Variants in CLSTN2 observed in about 807,000 individuals in gnomAD.
CLSTN2 encodes the protein calsyntenin 2.
CLSTN2 carries 48 observed loss-of-function variants against 101.2 expected under a neutral mutation model. The ratio of observed to expected loss-of-function variants is 0.47; its 90% CI spans 0.38 to 0.60. CLSTN2 has a LOEUF of 0.60. Ranked by LOEUF, CLSTN2 falls within the 20% of genes least tolerant of loss-of-function variation. The pLI, the probability that CLSTN2 is intolerant of heterozygous loss-of-function variation, is 0.00. For synonymous variants in CLSTN2, 481 were observed against 463.6 expected (o/e 1.04, Z -0.48); for missense variants, 1,160 against 1,238.2 (o/e 0.94, Z 0.95).
intron 2 of CLSTN2, among the ~76,000 whole-genome samples, chr3:140,283,770 CT>C (rs1283365381): frequency 6.6e-6 from 1 of 152,304 alleles, no homozygotes; most frequent in Non-Finnish European, 1.5e-5. Context: ...TTAATGCACT[CT>C]TTTTTCCCCT....
At chr3:140,340,519 T>C (rs1386306150) in intron 2 of CLSTN2, among the ~76,000 whole-genome samples, 1 of 152,232 alleles carries the variant, frequency 6.6e-6, no homozygotes, top group Non-Finnish European at 1.5e-5. Flanking sequence ...TTTCCTTTCC[T>C]TTTGTTGTTT....
intron 9 of CLSTN2, among the ~76,000 whole-genome samples, chr3:140,534,928 C>T (rs1935330606): frequency 6.6e-6 from 1 of 152,232 alleles, no homozygotes; most frequent in Non-Finnish European, 1.5e-5. Context: ...CCCACATTCT[C>T]ACTTCTTTGT....
intron 2 of CLSTN2, among the ~76,000 whole-genome samples, chr3:140,366,865 G>A (rs1465472320): frequency 6.6e-6 from 1 of 152,230 alleles, no homozygotes; most frequent in African/African-American, 2.4e-5. Context: ...AAGAGCCGAT[G>A]TCCTGGGCGT....
chr3:140,190,570 A>G lies in CLSTN2; in HGVS notation c.232+14497A>G, dbSNP rs2010545611. ...CAGTGCAGGGGCATGTTATATCTCT[A>G]CATGTGTTTACATTTCTTTTCTTTC... On this transcript the variant is annotated intron_variant, in intron 2 of 16. Transcript: ENST00000458420. 2.0e-5 allele frequency among the ~76,000 whole-genome samples: 3 copies of G among 151,790 alleles called. No individual in the cohort carries two copies. In the South Asian group the frequency reaches 6.2e-4, roughly 31 times the overall value.
At chr3:140,078,329 G>A (rs868722059) in intron 1 of CLSTN2, among the ~76,000 whole-genome samples, 1 of 152,216 alleles carries the variant, frequency 6.6e-6, no homozygotes, top group African/African-American at 2.4e-5. Flanking sequence ...ACATGGAGCT[G>A]GTCAATGCAC....
intron 2 of CLSTN2, among the ~76,000 whole-genome samples, chr3:140,308,045 C>T (rs1383585500): frequency 6.6e-6 from 1 of 152,132 alleles, no homozygotes; most frequent in Non-Finnish European, 1.5e-5. Flanking sequence ...CACAGCACCT[C>T]CTCCCCACCC....
intron 2 of CLSTN2, among the ~76,000 whole-genome samples, chr3:140,401,457 A>T (rs1000412020): frequency 2.6e-5 from 4 of 152,168 alleles, no homozygotes; most frequent in African/African-American, 9.7e-5. Flanking sequence ...CGTAGATGGA[A>T]ATATGTCACC....
intron 2 of CLSTN2, among the ~76,000 whole-genome samples, chr3:140,340,621 A>T (rs2087482907): frequency 6.6e-6 from 1 of 152,206 alleles, no homozygotes; most frequent in South Asian, 2.1e-4. Flanking sequence ...CTCCCAGTGT[A>T]CCCTATTATT....
At chr3:140,535,343 T>C (rs1935337114) in intron 9 of CLSTN2, among the ~76,000 whole-genome samples, 1 of 152,242 alleles carries the variant, frequency 6.6e-6, no homozygotes, top group African/African-American at 2.4e-5. Flanking sequence ...TTTCCTTCCT[T>C]AGTATCCTTC....
chr3:140,048,748 C>A (rs930161120), intron 1 of CLSTN2, among the ~76,000 whole-genome samples: 2 of 152,128 alleles, frequency 1.3e-5, no homozygotes, highest in African/African-American at 4.8e-5. Flanking sequence ...TCAGGGCAAG[C>A]TGGAGAACGA....
At chr3:140,386,075 C>A (rs1430414501) in intron 2 of CLSTN2, among the ~76,000 whole-genome samples, 1 of 152,188 alleles carries the variant, frequency 6.6e-6, no homozygotes, top group Non-Finnish European at 1.5e-5. Context: ...CAATCACCAA[C>A]CTTTACTATG....
intron 2 of CLSTN2, among the ~76,000 whole-genome samples, chr3:140,206,796 T>A (rs2107844354): frequency 6.6e-6 from 1 of 152,248 alleles, no homozygotes; most frequent in East Asian, 1.9e-4. Flanking sequence ...TGATGGGCCT[T>A]TTTCTCTTTT....
chr3:140,458,605 ATTC>A (rs1253046322), intron 6 of CLSTN2, among the ~76,000 whole-genome samples: 1 of 152,108 alleles, frequency 6.6e-6, no homozygotes, highest in East Asian at 1.9e-4. Flanking sequence ...AAAGTTGGTG[ATTC>A]TTCTAAAATA....
chr3:140,558,759 C>A lies in CLSTN2; in HGVS notation c.1943C>A (p.Ala648Asp). 2 of 1,614,072 alleles carry A rather than the reference C, an allele frequency of 1.2e-6. No homozygotes were observed. The highest frequency in any genetic ancestry group is 1.3e-5 in the African/African-American group (1 of 75,004). The change falls in exon 12 of 17, where the codon GCC (alanine) becomes GAC (aspartate). Residue 648 changes from alanine to aspartate, a missense_variant. By Grantham distance (126) the Ala-to-Asp change is moderately radical. Transcript: ENST00000458420. Reference protein sequence around the residue: ...RGTDHFWRPAAQFESARGVTL... With the variant: ...RGTDHFWRPADQFESARGVTL... Reference sequence around the variant, plus strand: ...ACAGACCACTTCTGGAGACCTGCTGCCCAGTTTGAAAGTGCCAGGGGAGTG... The same window carrying A: ...ACAGACCACTTCTGGAGACCTGCTGACCAGTTTGAAAGTGCCAGGGGAGTG...
chr3:140,282,598 TGTGA>T (rs1281452843), intron 2 of CLSTN2, among the ~76,000 whole-genome samples: 3 of 144,692 alleles, frequency 2.1e-5, no homozygotes, highest in Non-Finnish European at 4.5e-5. Flanking sequence ...GAAACTTGTC[TGTGA>T]CTTTCTTTTT....
At chr3:140,135,411 G>C (rs4596106) in intron 1 of CLSTN2, among the ~76,000 whole-genome samples, 125,326 of 151,770 alleles carry the variant, frequency 0.83, 51,853 homozygotes, top group East Asian at 0.92. Flanking sequence ...ATTATCTCCA[G>C]CAGTAGAATC....
intron 2 of CLSTN2, among the ~76,000 whole-genome samples, chr3:140,266,180 T>C (rs535043486): frequency 3.3e-5 from 5 of 152,302 alleles, no homozygotes; most frequent in Admixed American, 1.3e-4. Flanking sequence ...TATCCTGTGA[T>C]TACCCTGATG....
chr3:140,454,295 G>C (rs1049680928), intron 6 of CLSTN2: 1 of 152,156 alleles, frequency 6.6e-6, no homozygotes, highest in East Asian at 1.9e-4. Context: ...AAGCAACTAG[G>C]TATCCATGGC....
chr3:139,960,781 C>A (rs1168558708), intron 1 of CLSTN2, among the ~76,000 whole-genome samples: 1 of 152,116 alleles, frequency 6.6e-6, no homozygotes, highest in Non-Finnish European at 1.5e-5. Context: ...TACTTGGGGG[C>A]TGGGAGACTC....
Sources: allele counts gnomAD v4.1 joint callset (sites outside exome capture counted in the v4.1 genomes callset), GRCh38; gene constraint gnomAD v4.1.1; transcripts MANE v1.5; gene names NCBI Gene and HGNC (gene_info 2026-07-23, HGNC 2026-07-21).